Variants in IL23R observed in about 807,000 individuals in gnomAD.
IL23R encodes the protein interleukin 23 receptor, also known as interleukin-23 receptor.
Under a neutral mutation model 56.9 loss-of-function variants are expected in IL23R, and 34 were observed. That is an observed-to-expected ratio of 0.60 (90% confidence interval 0.45 to 0.80). IL23R has a LOEUF of 0.80. Among genes scored for constraint, IL23R ranks in the 30% least tolerant of loss-of-function variants. The probability of loss-of-function intolerance (pLI) is 0.00; values close to 1 mark genes in which losing one functional copy is unlikely to be tolerated. For missense variants in IL23R, 635 were observed against 730.0 expected, an observed-to-expected ratio of 0.87 and a Z score of 1.50; for synonymous variants, 230 against 249.2, an observed-to-expected ratio of 0.92 and a Z score of 0.73.
chr1:67,165,603 T>A (rs1646865728), upstream of IL23R, among the ~76,000 whole-genome samples: 1 of 152,182 alleles, frequency 6.6e-6, no homozygotes, highest in Admixed American at 6.5e-5. Context: ...GTAAAGAATC[T>A]GTAGGCTATA....
chr1:67,203,805 T>C (rs1648802746), intron 5 of IL23R, among the ~76,000 whole-genome samples: 1 of 152,206 alleles, frequency 6.6e-6, no homozygotes, highest in Admixed American at 6.5e-5. Context: ...GAGGTTATGC[T>C]GAATGGCAGC....
At chr1:67,198,586 C>A (rs1272818869) in intron 4 of IL23R, among the ~76,000 whole-genome samples, 3 of 152,188 alleles carry the variant, frequency 2.0e-5, no homozygotes, top group Non-Finnish European at 4.4e-5. Context: ...CCATCCTCTT[C>A]CACAGTGCAT....
At chr1:67,265,768 T>C in the IL23R span, among the ~76,000 whole-genome samples, 1 of 152,078 alleles carries the variant, frequency 6.6e-6, no homozygotes, top group African/African-American at 2.4e-5. Context: ...CAGCCAGGTG[T>C]GGTGGTGTGC....
intron 5 of IL23R, among the ~76,000 whole-genome samples, chr1:67,202,251 G>C (rs984923190): frequency 6.6e-6 from 1 of 152,106 alleles, no homozygotes; most frequent in Non-Finnish European, 1.5e-5. Flanking sequence ...GCCCAGGCTG[G>C]AGTGCAGTTG....
rs747594269 is a variant in IL23R at position 67,206,956 on chromosome 1, T to C, written c.699T>C (p.Ala233=). The C allele has an allele frequency of 1.9e-6, 3 of 1,580,758 alleles. No individual in the cohort carries two copies. The highest frequency in any genetic ancestry group is 2.6e-6 in the Non-Finnish European group (3 of 1,160,880). ...AVISRAETIN[A]TVPKTIIYWD... is the part of the protein sequence containing the mutation. ...TTTCCAGGGCTGAGACTATAAATGC[T>C]ACAGTGCCCAAGACCATAATTTATT... is the stretch of plus-strand genomic sequence containing the variant. The change falls in exon 6 of 11, where the codon GCT becomes GCC. Residue 233 remains alanine, a synonymous_variant. Transcript: ENST00000347310.
At chr1:67,220,563 C>A (rs1008206895) in intron 7 of IL23R, among the ~76,000 whole-genome samples, 1 of 151,892 alleles carries the variant, frequency 6.6e-6, no homozygotes, top group Non-Finnish European at 1.5e-5. Context: ...TCAAACATTC[C>A]TGGGTATAAA....
intron 7 of IL23R, among the ~76,000 whole-genome samples, chr1:67,220,977 G>A (rs552598318): frequency 6.6e-6 from 1 of 152,288 alleles, no homozygotes; most frequent in East Asian, 1.9e-4. Context: ...ACTCTAGCCT[G>A]GGTGACATCC....
chr1:67,236,274 C>G (rs1312392972), intron 7 of IL23R, among the ~76,000 whole-genome samples: 1 of 152,232 alleles, frequency 6.6e-6, no homozygotes, highest in African/African-American at 2.4e-5. Flanking sequence ...AGGTGAACAG[C>G]ATCCCAAAGA....
Position 67,177,875 on chromosome 1 carries a change from A to C in IL23R, c.368-4961A>C, listed in dbSNP as rs1011031086. Among the ~76,000 whole-genome samples the C allele has an allele frequency of 7.9e-5, 12 of 151,124 alleles. 2 individuals carry two copies. The highest frequency in any genetic ancestry group is 2.5e-4 in the African/African-American group (10 of 40,462). On this transcript the variant is annotated intron_variant, in intron 3 of 10. Transcript: ENST00000347310. ...CCCAACACAATTTATTAAATAGGGA[A>C]TCCTTTCCCTATTGCTCGTTTTTGT...
intron 9 of IL23R, among the ~76,000 whole-genome samples, chr1:67,253,102 C>T (rs1652740278): frequency 6.6e-6 from 1 of 152,190 alleles, no homozygotes; most frequent in South Asian, 2.1e-4. Flanking sequence ...TTTGCTTTAA[C>T]ACTTGAATTC....
intron 9 of IL23R, among the ~76,000 whole-genome samples, chr1:67,241,859 G>A (rs1472949007): frequency 6.6e-6 from 1 of 152,090 alleles, no homozygotes; most frequent in Non-Finnish European, 1.5e-5. Flanking sequence ...CAAAGAATGA[G>A]CTACATGAAG....
At chr1:67,232,636 G>T (rs1351852271) in intron 7 of IL23R, among the ~76,000 whole-genome samples, 1 of 152,160 alleles carries the variant, frequency 6.6e-6, no homozygotes, top group Non-Finnish European at 1.5e-5. Context: ...TGATTGGGTT[G>T]TTGTGAGGAT....
intron 7 of IL23R, among the ~76,000 whole-genome samples, chr1:67,224,782 G>A (rs906909164): frequency 6.6e-6 from 1 of 152,176 alleles, no homozygotes; most frequent in African/African-American, 2.4e-5. Context: ...ATAATAGCAA[G>A]AGGCCAATTA....
rs377747119 is a variant in IL23R, at chr1:67,193,914, G to C, written c.492-6823G>C. ...TTTTAAATGTCAATCACAAGCCCCAGGTCATGACCTGTGCTTTTGACCAAC... is the reference window on the plus strand; with the variant it reads ...TTTTAAATGTCAATCACAAGCCCCACGTCATGACCTGTGCTTTTGACCAAC... On this transcript the variant is annotated intron_variant, in intron 4 of 10. Coordinates refer to ENST00000347310, the MANE Select transcript of IL23R (RefSeq NM_144701.3). Among the ~76,000 whole-genome samples the C allele has an allele frequency of 5.9e-5, 9 of 152,172 alleles. No homozygotes were observed. In the East Asian group the frequency reaches 1.2e-3, roughly 20 times the overall value.
intron 10 of IL23R, among the ~76,000 whole-genome samples, chr1:67,257,746 C>G (rs938673104): frequency 5.9e-5 from 9 of 152,172 alleles, no homozygotes; most frequent in African/African-American, 1.2e-4. Flanking sequence ...CTCTGTCACC[C>G]AGGCTAGAGT....
At chr1:67,184,788 C>G in intron 4 of IL23R, among the ~76,000 whole-genome samples, 1 of 152,006 alleles carries the variant, frequency 6.6e-6, no homozygotes, top group East Asian at 1.9e-4. Context: ...CCATGTGAAG[C>G]CCTGGGATCA....
Position 67,205,893 on chromosome 1 carries a change from TTCTTTC to T in IL23R, c.653-1015_653-1010del, listed in dbSNP as rs1257813942. 4.5e-3 allele frequency among the ~76,000 whole-genome samples: 560 copies of T among 123,912 alleles called. 4 individuals are homozygous for T. Among genetic ancestry groups the T allele is most frequent in the African/African-American group, 0.015 (549 of 36,692 alleles). 81.3% of individuals were successfully genotyped at this position (123,912 alleles called of 152,430 possible). A position where few individuals can be genotyped will look rare whatever the true frequency, so the allele number is the denominator to read the frequency against. On this transcript the variant is annotated intron_variant, in intron 5 of 10. Transcript: ENST00000347310. ...CATCCATCTTTCTTTCTTTCTTTCTTTCTTTCTTTCTTTCTTTCTTTCTTTCTTTCT... is the reference window on the plus strand; with the variant it reads ...CATCCATCTTTCTTTCTTTCTTTCTTTTTCTTTCTTTCTTTCTTTCTTTCT...
intron 6 of IL23R, among the ~76,000 whole-genome samples, chr1:67,218,306 A>T (rs1327717429): frequency 6.9e-6 from 1 of 145,250 alleles, no homozygotes; most frequent in Non-Finnish European, 1.5e-5. Flanking sequence ...ACATATATAC[A>T]TATATACACA....
intron 6 of IL23R, among the ~76,000 whole-genome samples, chr1:67,208,800 G>A (rs1323206221): frequency 6.6e-6 from 1 of 152,158 alleles, no homozygotes. Flanking sequence ...GCCTAGTGGA[G>A]CTGTGAGAAG....
Sources: gnomAD v4.1 joint callset for allele counts (sites outside exome capture counted in the v4.1 genomes callset) on GRCh38, gnomAD v4.1.1 for gene constraint, MANE v1.5 for transcripts, NCBI Gene and HGNC (gene_info 2026-07-23, HGNC 2026-07-21) for gene names.